OR10A6: variants seen among roughly 807,000 people sequenced by gnomAD.
The protein encoded by OR10A6 is olfactory receptor 10A6.
Under a neutral mutation model 1.5 loss-of-function variants are expected in OR10A6, and 2 were observed. The observed-to-expected ratio is 1.31, with a 90% CI of 0.54 to 4.13. The LOEUF (loss-of-function observed/expected upper bound fraction) is 4.13, where lower values mean the gene tolerates loss of function less well. Ranked by LOEUF, OR10A6 falls within the 30% of genes most tolerant of loss-of-function variation. OR10A6 has a pLI of 0.07. For missense variants in OR10A6, 492 were observed against 368.6 expected, an observed-to-expected ratio of 1.33 and a Z score of -2.74; for synonymous variants, 169 against 137.3, an observed-to-expected ratio of 1.23 and a Z score of -1.61.
rs1444728044 is a variant in OR10A6 at position 7,928,006 on chromosome 11, A to C, written c.657T>G (p.Ile219Met). The C allele has an allele frequency of 4.3e-6, 7 of 1,613,912 alleles. No individual in the cohort carries two copies. The highest frequency in any genetic ancestry group is 5.9e-6 in the Non-Finnish European group (7 of 1,180,000). The change falls in exon 4 of 4, where the codon ATT becomes ATG. Residue 219 changes from isoleucine (I) to methionine (M), a missense_variant. By Grantham distance (10) the Ile-to-Met change is conservative. Coordinates refer to ENST00000641238, the MANE Select transcript of OR10A6 (RefSeq NM_001004461.2). ...TCTTCAGGATGGCAAACAGAACTCG[A>C]ATGTAAGACAAGAGTATCAACAAGA... The part of the protein sequence containing the change: ...VPFLLILLSY[I>M]RVLFAILKMP...
Position 7,927,130 on chromosome 11 carries a change from T to TA in OR10A6, c.*587dup, listed in dbSNP as rs2133605221. ...ATTATAGACTCTCTGGGTCCCTGAG[T>TA]AGAGACATTGTGTTCCTCTCAATAA... On this transcript the variant is annotated 3_prime_UTR_variant, in exon 4 of 4. Transcript: ENST00000641238. The TA allele has an allele frequency of 6.6e-6, 1 of 152,246 alleles. No homozygotes were observed. Among genetic ancestry groups the TA allele is most frequent in the African/African-American group, 2.4e-5 (1 of 41,562 alleles). 9.4% of individuals were successfully genotyped at this position (152,246 alleles called of 1,614,324 possible).
In OR10A6 at chr11:7,926,136, A is replaced by G. The variant is rs761167333; in HGVS notation, c.*1582T>C. 2.6e-5 allele frequency: 4 copies of G among 152,064 alleles called. No homozygotes were observed. The highest frequency in any genetic ancestry group is 5.9e-5 in the Non-Finnish European group (4 of 68,032). 9.4% of individuals were successfully genotyped at this position (152,064 alleles called of 1,614,324 possible). A position where few individuals can be genotyped will look rare whatever the true frequency, so the allele number is the denominator to read the frequency against. ...CCTCACAAACCAGCATGTACTTCCCATTTTGAGTCCCTAAAAGGTCCTGGA... is the reference window on the plus strand; with the variant it reads ...CCTCACAAACCAGCATGTACTTCCCGTTTTGAGTCCCTAAAAGGTCCTGGA... On this transcript the variant is annotated 3_prime_UTR_variant, in exon 4 of 4. Transcript: ENST00000641238.
rs11041669 is a variant in OR10A6 at position 7,927,645 on chromosome 11, G to A, written c.*73C>T. ...TCATGCCAAAAAATGCAAACTTAAT[G>A]AATCTAAATTTATTAAATTTAGATT... is the stretch of plus-strand genomic sequence containing the variant. On this transcript the variant is annotated 3_prime_UTR_variant, in exon 4 of 4. Transcript: ENST00000641238. 390,096 of 1,055,252 alleles carry A rather than the reference G, an allele frequency of 0.37. 73,340 individuals carry two copies. Among genetic ancestry groups the A allele is most frequent in the Admixed American group, 0.43 (17,959 of 41,912 alleles). 65.4% of individuals were successfully genotyped at this position (1,055,252 alleles called of 1,614,324 possible).
rs1168711761 is a variant in OR10A6 at position 7,925,044 on chromosome 11, G to GA, written c.*2673_*2674insT. ...ATACATTACTGCCCTTAAGAAACTTGTTTTTTTTTTCTACTTAAAGAACAA... is the reference window on the plus strand; with the variant it reads ...ATACATTACTGCCCTTAAGAAACTTGATTTTTTTTTTCTACTTAAAGAACAA... On this transcript the variant is annotated 3_prime_UTR_variant, in exon 4 of 4. Transcript: ENST00000641238. 1 of 148,090 alleles carries GA rather than the reference G, an allele frequency of 6.8e-6. No individual in the cohort carries two copies. The highest frequency in any genetic ancestry group is 1.5e-5 in the Non-Finnish European group (1 of 66,742). 9.2% of individuals were successfully genotyped at this position (148,090 alleles called of 1,614,324 possible).
rs1440831233 is a variant in OR10A6, at chr11:7,927,168, T to C, written c.*550A>G. 2 of 152,174 alleles carry C rather than the reference T, an allele frequency of 1.3e-5. No individual in the cohort carries two copies. Among genetic ancestry groups the C allele is most frequent in the African/African-American group, 4.8e-5 (2 of 41,444 alleles). The allele number at this position is 152,174 out of a possible 1,614,324, so 9.4% of individuals were successfully genotyped here. A position where few individuals can be genotyped will look rare whatever the true frequency, so the allele number is the denominator to read the frequency against. On this transcript the variant is annotated 3_prime_UTR_variant, in exon 4 of 4. Transcript: ENST00000641238. Reference sequence around the variant, plus strand: ...TTCCTCTCAATAAATAACTGTTCTTTCCTACTTATGTATGGAACAGATTTT... The same window carrying C: ...TTCCTCTCAATAAATAACTGTTCTTCCCTACTTATGTATGGAACAGATTTT...
In OR10A6 at chr11:7,927,534, C is replaced by T; in HGVS notation, c.*184G>A. 5 of 515,188 alleles carry T rather than the reference C, an allele frequency of 9.7e-6. No homozygotes were observed. In the South Asian group the frequency reaches 1.9e-4, roughly 20 times the overall value. 31.9% of individuals were successfully genotyped at this position (515,188 alleles called of 1,614,324 possible). ...ATATTCAATATTAAGGAATATTATG[C>T]ACTGGTGAAAAAACTAAAAACATTA... On this transcript the variant is annotated 3_prime_UTR_variant, in exon 4 of 4. Transcript: ENST00000641238.
Position 7,928,016 on chromosome 11 carries a change from A to T in OR10A6, c.647T>A (p.Leu216Ter), listed in dbSNP as rs1859447401. 2.5e-6 allele frequency: 4 copies of T among 1,613,886 alleles called. No homozygotes were observed. The South Asian group carries it at 4.4e-5, about 18-fold the overall frequency. The change falls in exon 4 of 4, where the codon TTG becomes TAG. Residue 216 changes from leucine to a stop codon, truncating the protein, a stop_gained. Transcript: ENST00000641238. LOFTEE classifies it high-confidence loss of function. ...GGCAAACAGAACTCGAATGTAAGAC[A>T]AGAGTATCAACAAGAAAGGAACCAA... ...IILVPFLLILLSYIRVLFAIL... is the reference protein window; with the variant it reads ...IILVPFLLIL
In OR10A6 at chr11:7,928,121, G is replaced by T; in HGVS notation, c.542C>A (p.Thr181Asn). ...ACATGCAAGTTCTAACACTGCTGGG[G>T]TTTCACAAGATATATGGTTAATTTC... ...LNEINHISCE[T>N]PAVLELACAD... The change falls in exon 4 of 4, where the codon ACC (threonine) becomes AAC (asparagine). Residue 181 changes from threonine to asparagine, a missense_variant. Transcript: ENST00000641238. 6.2e-7 allele frequency: 1 copy of T among 1,613,944 alleles called. No homozygotes were observed. The highest frequency in any genetic ancestry group is 8.5e-7 in the Non-Finnish European group (1 of 1,179,990).
rs898785957 is a variant in OR10A6 at position 7,928,363 on chromosome 11, C to A, written c.300G>T (p.Gln100His). 12 of 1,614,088 alleles carry A rather than the reference C, an allele frequency of 7.4e-6. No individual in the cohort carries two copies. The highest frequency in any genetic ancestry group is 9.3e-6 in the Non-Finnish European group (11 of 1,179,988). Reference protein sequence around the residue: ...TTISFGGCFAQMYFILLFGGA... With the variant: ...TTISFGGCFAHMYFILLFGGA... ...CACCAAAAAGAAGGATGAAATACAT[C>A]TGTGCAAAACAGCCCCCAAAAGAAA... Residue 100 changes from glutamine to histidine, a missense_variant, in exon 4 of 4, where the codon CAG becomes CAT. Coordinates refer to ENST00000641238, the MANE Select transcript of OR10A6 (RefSeq NM_001004461.2).
rs779971671 is a variant in OR10A6 at position 7,929,133 on chromosome 11, T to C, written c.-471A>G. The stretch of plus-strand genomic sequence containing the variant: ...AGCCTAATAATCCAATGTTACAGCA[T>C]ATTTGATATAAACTTATTTAAAATA... On this transcript the variant is annotated 5_prime_UTR_variant, in exon 4 of 4. The change creates a new upstream start codon in the 5' untranslated region. Coordinates refer to ENST00000641238, the MANE Select transcript of OR10A6 (RefSeq NM_001004461.2). The C allele has an allele frequency of 2.0e-5, 3 of 152,954 alleles. No individual in the cohort carries two copies. Among genetic ancestry groups the C allele is most frequent in the Admixed American group, 2.0e-4 (3 of 15,306 alleles). 9.5% of individuals were successfully genotyped at this position (152,954 alleles called of 1,614,324 possible).
Position 7,927,725 on chromosome 11 carries a change from G to T in OR10A6, c.938C>A (p.Thr313Lys). ...KLWRRRVVLH[T>K]I is the part of the protein sequence containing the mutation. ...CATGGCTTCTCAACACAGTCAGATT[G>T]TGTGTAAAACCACTCGCCTTCGCCA... The change falls in exon 4 of 4, where the codon ACA (threonine) becomes AAA (lysine). Residue 313 changes from threonine to lysine, a missense_variant. Transcript: ENST00000641238. 3 of 1,605,284 alleles carry T rather than the reference G, an allele frequency of 1.9e-6. No individual in the cohort carries two copies. Among genetic ancestry groups the T allele is most frequent in the South Asian group, 1.1e-5 (1 of 90,792 alleles).
Position 7,925,569 on chromosome 11 carries a change from A to G in OR10A6, c.*2149T>C, listed in dbSNP as rs561010768. On this transcript the variant is annotated 3_prime_UTR_variant, in exon 4 of 4. Coordinates refer to ENST00000641238, the MANE Select transcript of OR10A6 (RefSeq NM_001004461.2). ...TTAGCTCTCTTAAGACATTTTTATA[A>G]AGAATTTTTTTTAAGAAAAAAATTG... 15 of 128,322 alleles carry G rather than the reference A, an allele frequency of 1.2e-4. No homozygotes were observed. Among genetic ancestry groups the G allele is most frequent in the African/African-American group, 3.2e-4 (12 of 37,514 alleles). 7.9% of individuals were successfully genotyped at this position (128,322 alleles called of 1,614,324 possible).
rs1163177918 is a variant in OR10A6 at position 7,926,250 on chromosome 11, G to C, written c.*1468C>G. 1.3e-5 allele frequency: 2 copies of C among 152,226 alleles called. No homozygotes were observed. The highest frequency in any genetic ancestry group is 4.8e-5 in the African/African-American group (2 of 41,430). 9.4% of individuals were successfully genotyped at this position (152,226 alleles called of 1,614,324 possible). On this transcript the variant is annotated 3_prime_UTR_variant, in exon 4 of 4. Transcript: ENST00000641238. ...CTGCTGACAGTTGTTCTGTCCTTCA[G>C]TAAAATTCTTCTCCACCATCCTTAC...
In OR10A6 at chr11:7,926,011, C is replaced by G. The variant is rs749155152; in HGVS notation, c.*1707G>C. The G allele has an allele frequency of 6.6e-6, 1 of 152,210 alleles. No individual in the cohort carries two copies. Among genetic ancestry groups the G allele is most frequent in the South Asian group, 2.1e-4 (1 of 4,832 alleles). The allele number at this position is 152,210 out of a possible 1,614,324, so 9.4% of individuals were successfully genotyped here. A position where few individuals can be genotyped will look rare whatever the true frequency, so the allele number is the denominator to read the frequency against. On this transcript the variant is annotated 3_prime_UTR_variant, in exon 4 of 4. Transcript: ENST00000641238. Reference sequence around the variant, plus strand: ...CATACTTTCCTCTGATTGTTCCCCGCTCTTCACCTATTTTACATATACCTA... The same window carrying G: ...CATACTTTCCTCTGATTGTTCCCCGGTCTTCACCTATTTTACATATACCTA...
In OR10A6 at chr11:7,930,865, A is replaced by G. The variant is rs1859521007; in HGVS notation, c.-1858T>C. ...TCACTGACAAGTAATACTTACGCAG[A>G]TCACTTCCTCCCCAAGGCTTCAGCC... On this transcript the variant is annotated 5_prime_UTR_variant, in exon 3 of 4. Transcript: ENST00000641238. 6.6e-6 allele frequency: 1 copy of G among 152,210 alleles called. No homozygotes were observed. The highest frequency in any genetic ancestry group is 6.6e-5 in the Admixed American group (1 of 15,266). The allele number at this position is 152,210 out of a possible 1,614,324, so 9.4% of individuals were successfully genotyped here. A position where few individuals can be genotyped will look rare whatever the true frequency, so the allele number is the denominator to read the frequency against.
At position 7,928,169 on chromosome 11, in the gene OR10A6, C is replaced by T. The variant is rs755257874; in HGVS notation, c.494G>A (p.Ser165Asn). Residue 165 changes from serine (S) to asparagine (N), a missense_variant, in exon 4 of 4, where the codon AGT becomes AAT. Coordinates refer to ENST00000641238, the MANE Select transcript of OR10A6 (RefSeq NM_001004461.2). ...TTCATTAAGGCCACAAAAGGGAAAA[C>T]TAGATACCCATGATGTTTGAACAGT... is the stretch of plus-strand genomic sequence containing the variant. The part of the protein sequence containing the change: ...LGTVQTSWVS[S>N]FPFCGLNEIN... 4 of 1,613,602 alleles carry T rather than the reference C, an allele frequency of 2.5e-6. No individual in the cohort carries two copies. The African/African-American group carries it at 5.3e-5, about 22-fold the overall frequency.
Position 7,927,864 on chromosome 11 carries a change from A to T in OR10A6, c.799T>A (p.Ser267Thr). 6.2e-7 allele frequency: 1 copy of T among 1,614,048 alleles called. No homozygotes were observed. Among genetic ancestry groups the T allele is most frequent in the East Asian group, 2.2e-5 (1 of 44,874 alleles). The change falls in exon 4 of 4, where the codon TCA becomes ACA. Residue 267 changes from serine to threonine, a missense_variant. Physicochemically the swap from Ser to Thr is moderately conservative, Grantham distance 58. Transcript: ENST00000641238. Reference protein sequence around the residue: ...MTYLQPKSGYSPETKKVMSLS... With the variant: ...MTYLQPKSGYTPETKKVMSLS... ...GACATCACTTTCTTGGTTTCCGGTG[A>T]GTAGCCAGATTTGGGTTGTAAATAA...
rs1003355271 is a variant in OR10A6 at position 7,928,280 on chromosome 11, T to A, written c.383A>T (p.His128Leu). 9 of 1,613,728 alleles carry A rather than the reference T, an allele frequency of 5.6e-6. No homozygotes were observed. The African/African-American group carries it at 1.2e-4, about 22-fold the overall frequency. Residue 128 changes from histidine (H) to leucine (L), a missense_variant, in exon 4 of 4, where the codon CAT (histidine) becomes CTT (leucine). By Grantham distance (99) the His-to-Leu change is moderately conservative. Transcript: ENST00000641238. ...CATAATCATTTGGTAGTTGAGAGGA[T>A]GGCAAATTGCAGCAAATCGGTCATA... ...MAYDRFAAICHPLNYQMIMNK... is the reference protein window; with the variant it reads ...MAYDRFAAICLPLNYQMIMNK...
Position 7,927,491 on chromosome 11 carries a change from A to G in OR10A6, c.*227T>C. Reference sequence around the variant, plus strand: ...CCATCAGTAGGGCTACTACTAAACAAATTGTTGAAATTGTGTTATATTCAA... The same window carrying G: ...CCATCAGTAGGGCTACTACTAAACAGATTGTTGAAATTGTGTTATATTCAA... On this transcript the variant is annotated 3_prime_UTR_variant, in exon 4 of 4. Transcript: ENST00000641238. The G allele has an allele frequency of 2.3e-6, 1 of 425,974 alleles. No individual in the cohort carries two copies. The highest frequency in any genetic ancestry group is 4.1e-6 in the Non-Finnish European group (1 of 242,218). 26.4% of individuals were successfully genotyped at this position (425,974 alleles called of 1,614,324 possible).
Sources: gnomAD v4.1 joint callset for allele counts on GRCh38, gnomAD v4.1.1 for gene constraint, MANE v1.5 for transcripts, NCBI Gene and HGNC (gene_info 2026-07-23, HGNC 2026-07-21) for gene names.